CYYR1: variants seen among roughly 807,000 people sequenced by gnomAD.
The protein encoded by CYYR1 is cysteine and tyrosine-rich protein 1.
A neutral mutation model predicts 15.2 loss-of-function variants in CYYR1; 14 were observed. The ratio of observed to expected loss-of-function variants is 0.92; its 90% CI spans 0.61 to 1.44. The LOEUF (loss-of-function observed/expected upper bound fraction) is 1.44. Among genes scored for constraint, CYYR1 ranks in the 40% most tolerant of loss-of-function variants. The pLI is 0.00. For synonymous variants in CYYR1, 80 were observed against 77.4 expected (o/e 1.03, Z -0.18); for missense variants, 228 against 209.5 (o/e 1.09, Z -0.54).
intron 2 of CYYR1, among the ~76,000 whole-genome samples, chr21:26,557,201 T>TA (rs1979852557): frequency 6.6e-6 from 1 of 152,180 alleles, no homozygotes; most frequent in African/African-American, 2.4e-5. Flanking sequence ...ACGCATTAAA[T>TA]AAATGGTAGT....
chr21:26,503,603 T>C (rs1452798543), intron 2 of CYYR1: 3 of 152,204 alleles, frequency 2.0e-5, no homozygotes. Context: ...GGAAACCCTG[T>C]TGCCTGGAGA....
intron 2 of CYYR1, among the ~76,000 whole-genome samples, chr21:26,522,869 C>A (rs1259163263): frequency 6.6e-6 from 1 of 152,136 alleles, no homozygotes; most frequent in Non-Finnish European, 1.5e-5. Context: ...AGGAAGAAAT[C>A]AAGAGTGTTC....
intron 1 of CYYR1, 37 bp downstream of exon 1, chr21:26,572,831 G>C (rs745960184): frequency 6.2e-6 from 10 of 1,610,472 alleles, no homozygotes; most frequent in Non-Finnish European, 7.6e-6. Flanking sequence ...GGGCAGCCCC[G>C]AGCCTCTGAC....
chr21:26,499,450 T>C (rs991322423), intron 2 of CYYR1, among the ~76,000 whole-genome samples: 2 of 152,246 alleles, frequency 1.3e-5, no homozygotes, highest in African/African-American at 4.8e-5. Context: ...TTTTCAGACT[T>C]CTGGTCCCCA....
Position 26,494,592 on chromosome 21 carries a change from T to C in CYYR1, c.177-14163A>G, listed in dbSNP as rs181942072. ...CTCAAAGACCTTGGCAAAAGATGGCTACACCAAGACGCAGTAGTTGGTGTG... is the reference window on the plus strand; with the variant it reads ...CTCAAAGACCTTGGCAAAAGATGGCCACACCAAGACGCAGTAGTTGGTGTG... On this transcript the variant is annotated intron_variant, in intron 2 of 3. Coordinates refer to ENST00000652641, the MANE Select transcript of CYYR1 (RefSeq NM_001320768.2). 4.6e-5 allele frequency among the ~76,000 whole-genome samples: 7 copies of C among 152,240 alleles called. No homozygotes were observed. The East Asian group carries it at 1.2e-3, about 25-fold the overall frequency.
intron 2 of CYYR1, among the ~76,000 whole-genome samples, chr21:26,506,039 A>G (rs1235651511): frequency 1.3e-5 from 2 of 152,168 alleles, no homozygotes; most frequent in African/African-American, 2.4e-5. Context: ...CCATGGAACC[A>G]TGACCACACC....
chr21:26,536,035 C>T (rs1055235175), intron 2 of CYYR1, among the ~76,000 whole-genome samples: 3 of 152,066 alleles, frequency 2.0e-5, no homozygotes, highest in Admixed American at 6.6e-5. Context: ...TGGGAGGCTT[C>T]GAGACGCTTA....
At chr21:26,474,019 T>C (rs2065068660) in intron 3 of CYYR1, among the ~76,000 whole-genome samples, 1 of 150,880 alleles carries the variant, frequency 6.6e-6, no homozygotes, top group Non-Finnish European at 1.5e-5. Flanking sequence ...CATGTTGGTT[T>C]TTTTTGTTGT....
intron 2 of CYYR1, among the ~76,000 whole-genome samples, chr21:26,524,980 A>G (rs2065846173): frequency 6.6e-6 from 1 of 152,210 alleles, no homozygotes; most frequent in South Asian, 2.1e-4. Flanking sequence ...GCTAAGAGGC[A>G]ATAAATTGAT....
intron 2 of CYYR1, among the ~76,000 whole-genome samples, chr21:26,546,031 C>T (rs1312387762): frequency 2.0e-5 from 3 of 152,082 alleles, no homozygotes; most frequent in Admixed American, 6.5e-5. Context: ...AATAAAATAA[C>T]TTTATTTTTT....
intron 3 of CYYR1, chr21:26,470,659 A>T (rs1338607020): frequency 6.6e-6 from 1 of 152,272 alleles, no homozygotes; most frequent in African/African-American, 2.4e-5. Context: ...GAGTCAGTTA[A>T]ACCTCTTTTC....
chr21:26,553,394 T>C (rs1979531673), intron 2 of CYYR1, among the ~76,000 whole-genome samples: 1 of 152,108 alleles, frequency 6.6e-6, no homozygotes, highest in Admixed American at 6.6e-5. Context: ...AAACTTGGGA[T>C]TTTTTTAGCT....
At chr21:26,514,611 C>T (rs1361980397) in intron 2 of CYYR1, among the ~76,000 whole-genome samples, 1 of 152,158 alleles carries the variant, frequency 6.6e-6, no homozygotes, top group East Asian at 1.9e-4. Flanking sequence ...TAGAGCAACA[C>T]AAAAGTGGCC....
intron 2 of CYYR1, among the ~76,000 whole-genome samples, chr21:26,508,671 T>C (rs1457311285): frequency 6.6e-6 from 1 of 152,188 alleles, no homozygotes; most frequent in Non-Finnish European, 1.5e-5. Flanking sequence ...ATGCATTCAT[T>C]CTATCATCAC....
At chr21:26,483,566 A>G (rs986033929) in intron 2 of CYYR1, among the ~76,000 whole-genome samples, 2 of 152,000 alleles carry the variant, frequency 1.3e-5, no homozygotes, top group African/African-American at 2.4e-5. Flanking sequence ...GCATTCTCCA[A>G]TTTCATACTT....
intron 2 of CYYR1, among the ~76,000 whole-genome samples, chr21:26,530,351 C>T (rs1349151233): frequency 6.6e-6 from 1 of 151,876 alleles, no homozygotes; most frequent in Admixed American, 6.6e-5. Flanking sequence ...TTTTTGTCTG[C>T]AGCATTTTCT....
chr21:26,480,482 A>G (rs2065162451), intron 2 of CYYR1, 53 bp from the exon 3 acceptor site: 3 of 1,547,162 alleles, frequency 1.9e-6, no homozygotes, highest in Non-Finnish European at 2.6e-6. Context: ...CATTCTTTAG[A>G]CTTTCTAGTA....
chr21:26,480,264 T>C lies in CYYR1; in HGVS notation c.334+8A>G, dbSNP rs2065156568. The stretch of plus-strand genomic sequence containing the variant: ...TCTGAGCCTTCGAGAGTCAACAGTT[T>C]TGCTCACCAGGATAGGAGGAGACGG... On this transcript the variant is annotated splice_region_variant and intron_variant, in intron 3 of 3. Coordinates refer to ENST00000652641, the MANE Select transcript of CYYR1 (RefSeq NM_001320768.2). 6.2e-7 allele frequency: 1 copy of C among 1,602,622 alleles called. No homozygotes were observed. Among genetic ancestry groups the C allele is most frequent in the Non-Finnish European group, 8.5e-7 (1 of 1,175,258 alleles).
chr21:26,565,620 G>A (rs1980561407), intron 2 of CYYR1, among the ~76,000 whole-genome samples: 1 of 152,016 alleles, frequency 6.6e-6, no homozygotes, highest in South Asian at 2.1e-4. Context: ...GTCCAGAATC[G>A]GCTCTAAAAT....
Sources: allele counts gnomAD v4.1 joint callset (sites outside exome capture counted in the v4.1 genomes callset), GRCh38; gene constraint gnomAD v4.1.1; transcripts MANE v1.5; gene names NCBI Gene and HGNC (gene_info 2026-07-23, HGNC 2026-07-21).